PIK3R3: variants seen among roughly 807,000 people sequenced by gnomAD.
The protein encoded by PIK3R3 is phosphatidylinositol 3-kinase regulatory subunit gamma.
PIK3R3 carries 64 observed loss-of-function variants against 62.9 expected under a neutral mutation model. The ratio of observed to expected loss-of-function variants is 1.02; its 90% CI spans 0.83 to 1.25. The LOEUF is 1.25. PIK3R3 is among the 50% of genes most tolerant of loss of function. PIK3R3 has a pLI of 0.00. For missense variants in PIK3R3, 614 were observed against 561.6 expected (o/e 1.09, Z -0.94); for synonymous variants, 165 against 189.0 (o/e 0.87, Z 1.04).
the PIK3R3 span, among the ~76,000 whole-genome samples, chr1:46,160,194 T>C: frequency 0.034 from 5,191 of 152,250 alleles, 291 homozygotes; most frequent in African/African-American, 0.12. Flanking sequence ...AATCTCTCCT[T>C]CAGCACTGAC....
chr1:46,116,919 T>C (rs1203088678), intron 1 of PIK3R3, among the ~76,000 whole-genome samples: 7 of 152,168 alleles, frequency 4.6e-5, no homozygotes. Context: ...ACTTTACCCA[T>C]TTTATATCAA....
At chr1:46,046,819 T>G in intron 7 of PIK3R3, 194 bp from the exon 8 acceptor site, 1 of 560,916 alleles carries the variant, frequency 1.8e-6, no homozygotes, top group East Asian at 2.9e-5. Context: ...AACTGATCTT[T>G]TCCAGAAAAA....
chr1:46,151,607 C>G, the PIK3R3 span, among the ~76,000 whole-genome samples: 1 of 152,154 alleles, frequency 6.6e-6, no homozygotes, highest in African/African-American at 2.4e-5. Flanking sequence ...ACAGATCAAG[C>G]TCTAGGCCCA....
chr1:46,058,368 G>A lies in PIK3R3; in HGVS notation c.765-2397C>T, dbSNP rs188292695. ...CACACAGAGTTCCTACTGGGGCACC[G>A]CCTAGTGGCACTGTGAGAAGAAGGC... On this transcript the variant is annotated intron_variant, in intron 6 of 9. Coordinates refer to ENST00000262741, the MANE Select transcript of PIK3R3 (RefSeq NM_003629.4). 4.6e-5 allele frequency among the ~76,000 whole-genome samples: 7 copies of A among 152,334 alleles called. No individual in the cohort carries two copies. In the South Asian group the frequency reaches 6.2e-4, roughly 14 times the overall value.
intron 1 of PIK3R3, among the ~76,000 whole-genome samples, chr1:46,103,171 A>G (rs1230838523): frequency 6.6e-6 from 1 of 152,208 alleles, no homozygotes; most frequent in Non-Finnish European, 1.5e-5. Flanking sequence ...TGATAGGGGA[A>G]ACGACGAGTC....
chr1:46,140,109 C>A, the PIK3R3 span, among the ~76,000 whole-genome samples: 3 of 152,202 alleles, frequency 2.0e-5, no homozygotes, highest in African/African-American at 7.2e-5. Context: ...CTGCTTCAGC[C>A]TCCCGAGTAG....
intron 1 of PIK3R3, among the ~76,000 whole-genome samples, chr1:46,092,181 T>C (rs1158965636): frequency 6.6e-6 from 1 of 152,236 alleles, no homozygotes; most frequent in East Asian, 1.9e-4. Context: ...TTTAATCAGC[T>C]GTATAACATC....
At chr1:46,078,715 C>G (rs1460140140) in intron 2 of PIK3R3, among the ~76,000 whole-genome samples, 1 of 151,940 alleles carries the variant, frequency 6.6e-6, no homozygotes, top group African/African-American at 2.4e-5. Flanking sequence ...TTATTTACAA[C>G]AGCCATAAAT....
chr1:46,099,372 T>G (rs144918936), intron 1 of PIK3R3, among the ~76,000 whole-genome samples: 4 of 152,280 alleles, frequency 2.6e-5, no homozygotes, highest in Non-Finnish European at 5.9e-5. Context: ...GGCTGCTCCT[T>G]TTTAGATTCC....
intron 1 of PIK3R3, chr1:46,104,946 A>C (rs969010813): frequency 2.2e-5 from 12 of 552,634 alleles, no homozygotes; most frequent in Non-Finnish European, 3.2e-5. Flanking sequence ...AAAAAAAAAA[A>C]AAAACACACA....
intron 1 of PIK3R3, among the ~76,000 whole-genome samples, chr1:46,103,611 TACAG>T (rs1365958229): frequency 1.3e-5 from 2 of 152,104 alleles, no homozygotes; most frequent in African/African-American, 2.4e-5. Flanking sequence ...TTTACTTATT[TACAG>T]ACAGAGTCTT....
At chr1:46,100,346 A>G (rs759898857) in intron 1 of PIK3R3, among the ~76,000 whole-genome samples, 1 of 152,164 alleles carries the variant, frequency 6.6e-6, no homozygotes. Context: ...TTTATTTTCC[A>G]TATAAATAAC....
intron 3 of PIK3R3, among the ~76,000 whole-genome samples, chr1:46,069,106 G>A (rs1649267008): frequency 6.6e-6 from 1 of 152,170 alleles, no homozygotes; most frequent in Non-Finnish European, 1.5e-5. Context: ...GACAGGATTT[G>A]CTGATGGCTT....
chr1:46,167,417 G>A, the PIK3R3 span, among the ~76,000 whole-genome samples: 11 of 152,220 alleles, frequency 7.2e-5, no homozygotes, highest in Admixed American at 7.2e-4. Flanking sequence ...GGGTGGAGGC[G>A]CAGCTAGCTA....
intron 1 of PIK3R3, chr1:46,105,027 A>C (rs948390657): frequency 1.2e-5 from 9 of 742,572 alleles, no homozygotes; most frequent in Non-Finnish European, 2.0e-5. Flanking sequence ...CATACACCTG[A>C]TTTTCATGAC....
intron 1 of PIK3R3, among the ~76,000 whole-genome samples, chr1:46,093,390 A>G (rs1651818313): frequency 6.6e-6 from 1 of 152,214 alleles, no homozygotes. Flanking sequence ...AGGGATTTGC[A>G]ATGCCCCCTA....
At chr1:46,055,673 C>T in intron 7 of PIK3R3, 122 bp downstream of exon 7, 1 of 687,078 alleles carries the variant, frequency 1.5e-6, no homozygotes. Context: ...TAAATTCTTA[C>T]CATCTTACTG....
intron 1 of PIK3R3, among the ~76,000 whole-genome samples, chr1:46,091,219 C>A (rs934637043): frequency 3.3e-5 from 5 of 150,668 alleles, no homozygotes; most frequent in Admixed American, 6.7e-5. Context: ...CGGCTCACTG[C>A]AACCTCCACC....
chr1:46,131,852 G>T lies in PIK3R3; in HGVS notation c.101C>A (p.Pro34His). 1.2e-6 allele frequency: 2 copies of T among 1,612,244 alleles called. No homozygotes were observed. The highest frequency in any genetic ancestry group is 1.7e-6 in the Non-Finnish European group (2 of 1,178,764). The change falls in exon 1 of 10, where the codon CCT becomes CAT. Residue 34 changes from proline to histidine, a missense_variant. Physicochemically the swap from Pro to His is moderately conservative, Grantham distance 77 (BLOSUM62 -2). Transcript: ENST00000262741. ...TTTTTTTTTCTCCCAAGTACCTGGA[G>T]GATCCATTTCAATATAAAATATCAG... is the stretch of plus-strand genomic sequence containing the variant. ...TELIFYIEMD[P>H]PALPPKPPKP...
Sources: allele counts gnomAD v4.1 joint callset (sites outside exome capture counted in the v4.1 genomes callset), GRCh38; gene constraint gnomAD v4.1.1; transcripts MANE v1.5; gene names NCBI Gene and HGNC (gene_info 2026-07-23, HGNC 2026-07-21).